The following KCNH7 variants were observed in gnomAD, a reference collection of about 807,000 sequenced individuals.
The protein encoded by KCNH7 is potassium voltage-gated channel subfamily H member 7.
KCNH7 carries 49 observed loss-of-function variants against 120.8 expected under a neutral mutation model. The ratio of observed to expected loss-of-function variants is 0.41; its 90% CI spans 0.32 to 0.51. KCNH7 has a LOEUF of 0.51. KCNH7 is among the 20% of genes least tolerant of loss of function. The pLI is 0.38. For synonymous variants in KCNH7, 547 were observed against 516.1 expected (o/e 1.06, Z -0.81); for missense variants, 1,097 against 1,446.6 (o/e 0.76, Z 3.92).
chr2:162,399,697 A>G (rs1227396288), intron 10 of KCNH7, among the ~76,000 whole-genome samples: 1 of 151,936 alleles, frequency 6.6e-6, no homozygotes, highest in African/African-American at 2.4e-5. Flanking sequence ...TTAATTACCT[A>G]GTTAAGGACT....
intron 2 of KCNH7, among the ~76,000 whole-genome samples, chr2:162,764,390 G>T (rs1689074092): frequency 6.6e-6 from 1 of 152,042 alleles, no homozygotes; most frequent in Non-Finnish European, 1.5e-5. Context: ...TTCTCTCCAT[G>T]TAGCCTCCTT....
chr2:162,657,189 T>C (rs772140401), intron 2 of KCNH7, among the ~76,000 whole-genome samples: 6 of 152,210 alleles, frequency 3.9e-5, no homozygotes, highest in Non-Finnish European at 8.8e-5. Flanking sequence ...TTACTGTTAG[T>C]GTTCACTCTT....
intron 2 of KCNH7, among the ~76,000 whole-genome samples, chr2:162,645,021 T>G (rs1439238075): frequency 6.6e-6 from 1 of 152,190 alleles, no homozygotes; most frequent in Admixed American, 6.5e-5. Context: ...TTAACTAGTG[T>G]TTCTCTGCAA....
chr2:162,719,226 C>T (rs556778386), intron 2 of KCNH7, among the ~76,000 whole-genome samples: 9 of 151,972 alleles, frequency 5.9e-5, no homozygotes, highest in Non-Finnish European at 1.2e-4. Flanking sequence ...TTCAAAGAAC[C>T]TTATTGTAAA....
At chr2:162,476,474 G>T (rs1200164754) in intron 6 of KCNH7, among the ~76,000 whole-genome samples, 1 of 151,978 alleles carries the variant, frequency 6.6e-6, no homozygotes, top group Non-Finnish European at 1.5e-5. Flanking sequence ...AATTTTTACA[G>T]CAGATATTAT....
In KCNH7 at chr2:162,517,810, C is replaced by G. The variant is rs776350714; in HGVS notation, c.812G>C (p.Arg271Pro). The G allele has an allele frequency of 1.2e-6, 2 of 1,611,470 alleles. No homozygotes were observed. Among genetic ancestry groups the G allele is most frequent in the Non-Finnish European group, 1.7e-6 (2 of 1,178,298 alleles). ...TATATCATGGACCGAAGATGCTCTC[C>G]GTATACTACATAAGCTTTCCCTTGA... ...SRSRESLCSI[R>P]RASSVHDIEG... The change falls in exon 4 of 16, where the codon CGG becomes CCG. Residue 271 changes from arginine to proline, a missense_variant. Arg to Pro is a moderately radical substitution (Grantham distance 103, BLOSUM62 -2). This residue lies in a region of KCNH7 where 362 missense variants were observed against 372.2 expected (regional missense o/e 0.97). Coordinates refer to ENST00000332142, the MANE Select transcript of KCNH7 (RefSeq NM_033272.4).
intron 12 of KCNH7, among the ~76,000 whole-genome samples, chr2:162,389,790 TCAGAATTCTGTAGAA>T (rs1477278133): frequency 1.3e-5 from 2 of 152,020 alleles, no homozygotes; most frequent in Non-Finnish European, 2.9e-5. Context: ...AATAATTTCC[TCAGAATTCTGTAGAA>T]ACACTTTTTT....
At chr2:162,378,186 G>T (rs1039084864) in intron 14 of KCNH7, among the ~76,000 whole-genome samples, 10 of 152,164 alleles carry the variant, frequency 6.6e-5, no homozygotes, top group African/African-American at 2.4e-5. Context: ...ATTTTGTATA[G>T]CATATGTAGT....
chr2:162,757,694 A>T (rs1355104401), intron 2 of KCNH7, among the ~76,000 whole-genome samples: 3 of 152,066 alleles, frequency 2.0e-5, no homozygotes, highest in Non-Finnish European at 4.4e-5. Context: ...AAAAAAATTT[A>T]CCCCTCTATC....
In KCNH7 at chr2:162,379,979, G is replaced by A. The variant is rs1400936639; in HGVS notation, c.3005C>T (p.Pro1002Leu). Residue 1002 changes from proline to leucine, a missense_variant, in exon 14 of 16, where the codon CCC becomes CTC. Physicochemically the swap from Pro to Leu is moderately conservative, Grantham distance 98. Transcript: ENST00000332142. Reference protein sequence around the residue: ...MRSWERENAHPQPEDSSPSAL... With the variant: ...MRSWERENAHLQPEDSSPSAL... ...AGATGGACTGGAGTCTTCAGGCTGGGGATGTGCATTTTCTCGTTCCCAGCT... is the reference window on the plus strand; with the variant it reads ...AGATGGACTGGAGTCTTCAGGCTGGAGATGTGCATTTTCTCGTTCCCAGCT... 6.2e-7 allele frequency: 1 copy of A among 1,614,026 alleles called. No homozygotes were observed. Among genetic ancestry groups the A allele is most frequent in the African/African-American group, 1.3e-5 (1 of 75,030 alleles).
chr2:162,412,925 G>A (rs1687431653), intron 9 of KCNH7, among the ~76,000 whole-genome samples: 1 of 151,958 alleles, frequency 6.6e-6, no homozygotes, highest in African/African-American at 2.4e-5. Flanking sequence ...TCACTCTTGG[G>A]AGCCATATTT....
At chr2:162,711,269 A>G (rs1260515218) in intron 2 of KCNH7, among the ~76,000 whole-genome samples, 2 of 152,226 alleles carry the variant, frequency 1.3e-5, no homozygotes, top group Non-Finnish European at 2.9e-5. Context: ...TTGTATCAGC[A>G]GAGATTTTGA....
intron 2 of KCNH7, among the ~76,000 whole-genome samples, chr2:162,547,385 G>A (rs993105215): frequency 6.6e-6 from 1 of 152,132 alleles, no homozygotes; most frequent in African/African-American, 2.4e-5. Context: ...GAGCAATGTG[G>A]AAACACTGAC....
intron 2 of KCNH7, among the ~76,000 whole-genome samples, chr2:162,599,869 A>G (rs1345464298): frequency 6.6e-6 from 1 of 150,990 alleles, no homozygotes; most frequent in Non-Finnish European, 1.5e-5. Context: ...TGTCAACCAA[A>G]GTACAGATTA....
chr2:162,574,195 A>C (rs1166737127), intron 2 of KCNH7, among the ~76,000 whole-genome samples: 1 of 152,072 alleles, frequency 6.6e-6, no homozygotes, highest in Non-Finnish European at 1.5e-5. Flanking sequence ...TGCAAAGTAC[A>C]TACTGTGCAC....
At chr2:162,499,592 C>G (rs1574032912) in intron 6 of KCNH7, among the ~76,000 whole-genome samples, 1 of 152,096 alleles carries the variant, frequency 6.6e-6, no homozygotes, top group Non-Finnish European at 1.5e-5. Context: ...CAAAAGAGGA[C>G]TATGGATCCA....
chr2:162,724,472 A>C (rs1346385222), intron 2 of KCNH7, among the ~76,000 whole-genome samples: 1 of 151,764 alleles, frequency 6.6e-6, no homozygotes, highest in Non-Finnish European at 1.5e-5. Context: ...GGAGATTGAG[A>C]CCATCCCGGC....
chr2:162,778,384 T>C (rs1442732770), intron 2 of KCNH7, among the ~76,000 whole-genome samples: 1 of 152,148 alleles, frequency 6.6e-6, no homozygotes, highest in East Asian at 1.9e-4. Flanking sequence ...TCTCCATAAA[T>C]ATATTTTGAA....
intron 2 of KCNH7, among the ~76,000 whole-genome samples, chr2:162,617,557 A>T (rs767055013): frequency 5.3e-5 from 8 of 152,146 alleles, no homozygotes; most frequent in Non-Finnish European, 1.0e-4. Context: ...TGGGTCAGAC[A>T]TTAGAGGAAT....
Sources: gnomAD v4.1 joint callset for allele counts (sites outside exome capture counted in the v4.1 genomes callset) on GRCh38, gnomAD v4.1.1 for gene constraint, gnomAD v4.1.1 regional missense constraint, MANE v1.5 for transcripts, NCBI Gene and HGNC (gene_info 2026-07-23, HGNC 2026-07-21) for gene names.